PDE4D: variants seen among roughly 807,000 people sequenced by gnomAD.
The protein encoded by PDE4D is phosphodiesterase 4D, also known as 3',5'-cyclic-AMP phosphodiesterase 4D.
PDE4D carries 24 observed loss-of-function variants against 87.4 expected under a neutral mutation model. That is an observed-to-expected ratio of 0.27 (90% CI 0.20 to 0.39). The LOEUF (loss-of-function observed/expected upper bound fraction) is 0.39. Ranked by LOEUF, PDE4D falls within the 10% of genes least tolerant of loss-of-function variation. The pLI is 1.00. For synonymous variants in PDE4D, 384 were observed against 383.2 expected (o/e 1.00, Z -0.02); for missense variants, 714 against 1,041.0 (o/e 0.69, Z 4.32).
chr5:60,211,161 AAACCGTCATTCCGGAAACACAGCTCCT>A (rs1334406233), intron 1 of PDE4D, among the ~76,000 whole-genome samples: 2 of 152,310 alleles, frequency 1.3e-5, no homozygotes, highest in Non-Finnish European at 2.9e-5. Context: ...ACCAAGAACG[AAACCGTCATTCCGGAAACACAGCTCCT>A]AATACATTTC....
intron 3 of PDE4D, among the ~76,000 whole-genome samples, chr5:59,903,152 G>T (rs1381455412): frequency 2.0e-5 from 3 of 152,050 alleles, no homozygotes; most frequent in Non-Finnish European, 4.4e-5. Context: ...CTTGGAGTGA[G>T]AATGCAATTT....
At chr5:60,081,951 T>C (rs1263712146) in intron 2 of PDE4D, among the ~76,000 whole-genome samples, 1 of 152,186 alleles carries the variant, frequency 6.6e-6, no homozygotes, top group Non-Finnish European at 1.5e-5. Context: ...ATCAGGATCA[T>C]AGGCACTACT....
intron 1 of PDE4D, among the ~76,000 whole-genome samples, chr5:59,536,907 A>T (rs1815378175): frequency 3.9e-5 from 6 of 152,240 alleles, no homozygotes; most frequent in Non-Finnish European, 8.8e-5. Context: ...ACTGTTCCAC[A>T]TAGTATGACA....
At chr5:59,287,901 A>G (rs555233997) in intron 1 of PDE4D, among the ~76,000 whole-genome samples, 1 of 152,288 alleles carries the variant, frequency 6.6e-6, no homozygotes, top group African/African-American at 2.4e-5. Flanking sequence ...CTGGGCTTGG[A>G]GTGCTCCCTA....
intron 1 of PDE4D, among the ~76,000 whole-genome samples, chr5:59,415,489 G>A (rs1349386257): frequency 6.6e-6 from 1 of 152,124 alleles, no homozygotes; most frequent in African/African-American, 2.4e-5. Context: ...AAGGGGGTTA[G>A]TATGACTAAA....
intron 1 of PDE4D, among the ~76,000 whole-genome samples, chr5:60,475,215 T>C (rs1455371011): frequency 6.6e-6 from 1 of 152,158 alleles, no homozygotes; most frequent in Non-Finnish European, 1.5e-5. Context: ...AAATCAAGGC[T>C]CAGTTTCTTC....
At chr5:60,409,122 A>G (rs1741825157) in intron 1 of PDE4D, among the ~76,000 whole-genome samples, 2 of 152,182 alleles carry the variant, frequency 1.3e-5, no homozygotes, top group South Asian at 4.1e-4. Context: ...AAAAGAAAAG[A>G]AAAAGGAGGA....
chr5:59,143,068 C>T (rs971266312), intron 5 of PDE4D, among the ~76,000 whole-genome samples: 2 of 151,806 alleles, frequency 1.3e-5, no homozygotes, highest in Non-Finnish European at 2.9e-5. Context: ...AATGAAGTTA[C>T]TTTTTATTTC....
At chr5:60,038,266 T>C (rs1300008309) in intron 2 of PDE4D, among the ~76,000 whole-genome samples, 2 of 152,214 alleles carry the variant, frequency 1.3e-5, no homozygotes, top group Non-Finnish European at 2.9e-5. Flanking sequence ...AGGTCTAATG[T>C]TTAAGTCTGT....
intron 1 of PDE4D, among the ~76,000 whole-genome samples, chr5:59,773,820 T>C (rs1763814596): frequency 1.3e-5 from 2 of 152,154 alleles, no homozygotes; most frequent in South Asian, 4.1e-4. Flanking sequence ...ATCATTGACC[T>C]TTTATTAGGT....
At chr5:59,446,615 C>T (rs1262098286) in intron 1 of PDE4D, among the ~76,000 whole-genome samples, 3 of 152,144 alleles carry the variant, frequency 2.0e-5, no homozygotes, top group Admixed American at 2.0e-4. Flanking sequence ...ATTTCAAAAA[C>T]ATGTAGCAAA....
intron 5 of PDE4D, among the ~76,000 whole-genome samples, chr5:59,143,789 T>G (rs974995591): frequency 2.0e-5 from 3 of 152,236 alleles, no homozygotes; most frequent in African/African-American, 7.2e-5. Context: ...AATGTCATTT[T>G]GTAACAAGTA....
chr5:59,417,142 T>C (rs1456809430), intron 1 of PDE4D, among the ~76,000 whole-genome samples: 1 of 152,136 alleles, frequency 6.6e-6, no homozygotes, highest in Non-Finnish European at 1.5e-5. Context: ...CAATTCTCTA[T>C]AAAAGAAAAC....
intron 1 of PDE4D, among the ~76,000 whole-genome samples, chr5:60,502,288 G>T (rs1479563136): frequency 6.6e-6 from 1 of 152,202 alleles, no homozygotes; most frequent in African/African-American, 2.4e-5. Flanking sequence ...GTTTTTCTCA[G>T]ATTTGTCAAA....
At chr5:59,853,956 A>G (rs770283411) in intron 1 of PDE4D, among the ~76,000 whole-genome samples, 13 of 152,058 alleles carry the variant, frequency 8.5e-5, no homozygotes, top group Non-Finnish European at 1.5e-4. Flanking sequence ...ATTATGGTAC[A>G]GTTTGGTGGT....
chr5:60,415,306 GC>G (rs1742398377), intron 1 of PDE4D, among the ~76,000 whole-genome samples: 2 of 152,252 alleles, frequency 1.3e-5, no homozygotes, highest in Admixed American at 6.5e-5. Flanking sequence ...AGCCCTCACA[GC>G]CCTTGCTGGC....
intron 1 of PDE4D, among the ~76,000 whole-genome samples, chr5:59,738,424 T>C (rs72751237): frequency 0.17 from 26,490 of 152,006 alleles, 3,041 homozygotes; most frequent in South Asian, 0.26. Context: ...TAGTAAAACA[T>C]ATAAAATGCA....
chr5:60,127,639 GT>G, intron 2 of PDE4D: 1 of 591,088 alleles, frequency 1.7e-6, no homozygotes, highest in Admixed American at 2.8e-5. Flanking sequence ...GATATTCATA[GT>G]TTTAAGGGCC....
chr5:59,891,385 T>C (rs1750930010), intron 1 of PDE4D, among the ~76,000 whole-genome samples: 1 of 152,190 alleles, frequency 6.6e-6, no homozygotes, highest in Admixed American at 6.5e-5. Flanking sequence ...TAAGGGCTCA[T>C]CATCACACGG....
Sources: gnomAD v4.1 joint callset for allele counts (sites outside exome capture counted in the v4.1 genomes callset) on GRCh38, gnomAD v4.1.1 for gene constraint, MANE v1.5 for transcripts, NCBI Gene and HGNC (gene_info 2026-07-23, HGNC 2026-07-21) for gene names.